Variants in IL6ST observed in about 807,000 individuals in gnomAD.
The protein encoded by IL6ST is interleukin-6 receptor subunit beta.
Under a neutral mutation model 91.3 loss-of-function variants are expected in IL6ST, and 24 were observed. The ratio of observed to expected loss-of-function variants is 0.26; its 90% CI spans 0.19 to 0.37. The LOEUF (loss-of-function observed/expected upper bound fraction) is 0.37. Among genes scored for constraint, IL6ST ranks in the 10% least tolerant of loss-of-function variants. The probability of loss-of-function intolerance (pLI) is 1.00; values close to 1 mark genes in which losing one functional copy is unlikely to be tolerated. For missense variants in IL6ST, 914 were observed against 1,078.5 expected, an observed-to-expected ratio of 0.85 and a Z score of 2.14; for synonymous variants, 351 against 373.6, an observed-to-expected ratio of 0.94 and a Z score of 0.70.
At chr5:55,980,736 AT>A (rs1250489652) in intron 2 of IL6ST, among the ~76,000 whole-genome samples, 1 of 152,092 alleles carries the variant, frequency 6.6e-6, no homozygotes, top group Non-Finnish European at 1.5e-5. Context: ...TTAATGTGTA[AT>A]TTTTTTCTTC....
chr5:55,986,599 CT>C (rs895212385), intron 1 of IL6ST, among the ~76,000 whole-genome samples: 3 of 152,276 alleles, frequency 2.0e-5, no homozygotes, highest in Non-Finnish European at 4.4e-5. Flanking sequence ...AAGCTATCAG[CT>C]TCATATTTGT....
Position 55,987,534 on chromosome 5 carries a change from T to C in IL6ST, c.-103-4723A>G, listed in dbSNP as rs145715363. Among the ~76,000 whole-genome samples the C allele has an allele frequency of 3.8e-4, 58 of 152,304 alleles. 1 individual carries two copies. In the East Asian group the frequency reaches 0.01, roughly 27 times the overall value. ...AAACTAAGACTGAAAGAGACCATCCTTACCTTGGTGAAGGATAACAAAGAT... is the reference window on the plus strand; with the variant it reads ...AAACTAAGACTGAAAGAGACCATCCCTACCTTGGTGAAGGATAACAAAGAT... On this transcript the variant is annotated intron_variant, in intron 1 of 16. Coordinates refer to ENST00000381298, the MANE Select transcript of IL6ST (RefSeq NM_002184.4).
chr5:55,944,420 A>ATT (rs1456200834), intron 15 of IL6ST, among the ~76,000 whole-genome samples: 1 of 152,236 alleles, frequency 6.6e-6, no homozygotes, highest in African/African-American at 2.4e-5. Context: ...TATACTAAGA[A>ATT]TTAGAAAATA....
rs529384531 is a variant in IL6ST, at chr5:55,961,139, G to A, written c.814-578C>T. 4.6e-5 allele frequency among the ~76,000 whole-genome samples: 7 copies of A among 152,292 alleles called. No individual in the cohort carries two copies. In the South Asian group the frequency reaches 1.5e-3, roughly 32 times the overall value. The stretch of plus-strand genomic sequence containing the variant: ...AGAAATAAGTGTAAGTTAAAAAGCA[G>A]TCCAAATCAGTAAAGTTATTTGGTT... On this transcript the variant is annotated intron_variant, in intron 7 of 16. Coordinates refer to ENST00000381298, the MANE Select transcript of IL6ST (RefSeq NM_002184.4).
intron 5 of IL6ST, among the ~76,000 whole-genome samples, chr5:55,966,058 T>C (rs1752611935): frequency 6.6e-6 from 1 of 152,186 alleles, no homozygotes; most frequent in Non-Finnish European, 1.5e-5. Flanking sequence ...TACTTCAGGG[T>C]AAACCACAGT....
intron 10 of IL6ST, 98 bp downstream of exon 10, chr5:55,955,927 G>A: frequency 1.5e-6 from 1 of 673,850 alleles, no homozygotes; most frequent in Admixed American, 2.3e-5. Context: ...ATACTGAGGA[G>A]ACAGTCTTAG....
At chr5:55,961,442 T>C (rs975340312) in intron 7 of IL6ST, among the ~76,000 whole-genome samples, 2 of 152,044 alleles carry the variant, frequency 1.3e-5, no homozygotes, top group African/African-American at 4.8e-5. Flanking sequence ...GAGGGCTGTC[T>C]TGACAGGTAG....
Position 55,975,417 on chromosome 5 carries a change from C to A in IL6ST, c.64+798G>T, listed in dbSNP as rs370882831. Among the ~76,000 whole-genome samples, 506 of 152,276 alleles carry A rather than the reference C, an allele frequency of 3.3e-3. 3 individuals carry two copies. The highest frequency in any genetic ancestry group is 0.011 in the African/African-American group (474 of 41,542). On this transcript the variant is annotated intron_variant, in intron 3 of 16. Transcript: ENST00000381298. ...AAACTTCCCAAAGCCTCCCCAGAAGCAGATGCCACCATGCTTCCGCACAGC... is the reference window on the plus strand; with the variant it reads ...AAACTTCCCAAAGCCTCCCCAGAAGAAGATGCCACCATGCTTCCGCACAGC...
intron 15 of IL6ST, among the ~76,000 whole-genome samples, chr5:55,943,679 T>C (rs1380762367): frequency 6.6e-6 from 1 of 152,060 alleles, no homozygotes; most frequent in Non-Finnish European, 1.5e-5. Context: ...GAAAAAGCAT[T>C]TGACCAAATT....
intron 15 of IL6ST, among the ~76,000 whole-genome samples, chr5:55,946,780 G>A (rs1751278819): frequency 6.7e-6 from 1 of 150,240 alleles, no homozygotes; most frequent in Non-Finnish European, 1.5e-5. Flanking sequence ...TCATGCCACT[G>A]TACTCCAGTA....
intron 15 of IL6ST, among the ~76,000 whole-genome samples, chr5:55,943,320 A>G (rs1160934272): frequency 5.3e-5 from 8 of 152,226 alleles, no homozygotes; most frequent in Non-Finnish European, 7.3e-5. Context: ...CAGATTGAAG[A>G]AAAAGAAAGC....
At chr5:55,979,935 T>C (rs1033674847) in intron 2 of IL6ST, among the ~76,000 whole-genome samples, 2 of 152,224 alleles carry the variant, frequency 1.3e-5, no homozygotes, top group African/African-American at 4.8e-5. Context: ...TAAATACTTG[T>C]AGCCATTTAA....
intron 5 of IL6ST, among the ~76,000 whole-genome samples, chr5:55,967,516 A>G (rs1012882103): frequency 2.6e-4 from 6 of 22,696 alleles, no homozygotes; most frequent in Non-Finnish European, 4.7e-4. Flanking sequence ...ACATATAGGC[A>G]TATTCATGAG....
At chr5:55,988,202 C>G (rs1230351354) in intron 1 of IL6ST, among the ~76,000 whole-genome samples, 1 of 151,024 alleles carries the variant, frequency 6.6e-6, no homozygotes, top group Non-Finnish European at 1.5e-5. Flanking sequence ...AAATTAGAAG[C>G]GTTCCTATTA....
chr5:55,990,807 T>A (rs1006028070), intron 1 of IL6ST, among the ~76,000 whole-genome samples: 1 of 152,104 alleles, frequency 6.6e-6, no homozygotes, highest in Non-Finnish European at 1.5e-5. Context: ...AGGTTACATA[T>A]GATACATGTG....
intron 12 of IL6ST, 53 bp from the exon 13 acceptor site, chr5:55,952,128 A>C (rs2111679129): frequency 1.3e-6 from 2 of 1,559,058 alleles, no homozygotes; most frequent in East Asian, 4.5e-5. Context: ...AATCTAGTAA[A>C]ATTTCCTTGT....
chr5:55,954,724 C>T (rs142450802), intron 11 of IL6ST, 86 bp downstream of exon 11: 25 of 1,001,610 alleles, frequency 2.5e-5, no homozygotes, highest in Non-Finnish European at 3.4e-5. Context: ...GTCGTTTCAA[C>T]GGACCAAAAC....
intron 3 of IL6ST, among the ~76,000 whole-genome samples, chr5:55,973,024 A>G (rs1338341239): frequency 1.4e-5 from 2 of 143,662 alleles, no homozygotes; most frequent in Admixed American, 1.4e-4. Flanking sequence ...GAAAAAAAGC[A>G]AAAAAAAAAA....
Position 55,954,863 on chromosome 5 carries a change from C to T in IL6ST, c.1397G>A (p.Cys466Tyr). ...ATCTTCTTGTTGCCAGTCTGTGATA[C>T]AGGGTGCTTTATCTGATAACACACA... is the stretch of plus-strand genomic sequence containing the variant. Reference protein sequence around the residue: ...EWCVLSDKAPCITDWQQEDGT... With the variant: ...EWCVLSDKAPYITDWQQEDGT... Residue 466 changes from cysteine (C) to tyrosine (Y), a missense_variant, in exon 11 of 17, where the codon TGT (cysteine) becomes TAT (tyrosine). Cys to Tyr is a radical substitution (Grantham distance 194). Transcript: ENST00000381298. 1 of 1,613,564 alleles carries T rather than the reference C, an allele frequency of 6.2e-7. No individual in the cohort carries two copies. Among genetic ancestry groups the T allele is most frequent in the Non-Finnish European group, 8.5e-7 (1 of 1,179,656 alleles).
Sources: gnomAD v4.1 joint callset for allele counts (sites outside exome capture counted in the v4.1 genomes callset) on GRCh38, gnomAD v4.1.1 for gene constraint, MANE v1.5 for transcripts, NCBI Gene and HGNC (gene_info 2026-07-23, HGNC 2026-07-21) for gene names.